The following SDCBP2 variants were observed in gnomAD, a reference collection of about 807,000 sequenced individuals.
The protein encoded by SDCBP2 is syntenin-2.
In SDCBP2, 28 loss-of-function variants were observed where a neutral mutation model predicts 30.7. That is an observed-to-expected ratio of 0.91 (90% CI 0.68 to 1.25). The LOEUF is 1.25. Among genes scored for constraint, SDCBP2 ranks in the 50% most tolerant of loss-of-function variants. SDCBP2 has a pLI of 0.00. For missense variants in SDCBP2, 399 were observed against 379.0 expected (o/e 1.05, Z -0.44); for synonymous variants, 166 against 157.3 (o/e 1.06, Z -0.41).
chr20:1,313,682 G>T lies in SDCBP2; in HGVS notation c.226-184C>A. The stretch of plus-strand genomic sequence containing the variant: ...CGTGGCTCCACGCGGCCACTAGGGG[G>T]CGTCAAAGTCCATGCCCTTAAAAAG... On this transcript the variant is annotated intron_variant, in intron 4 of 8. Coordinates refer to ENST00000360779, the MANE Select transcript of SDCBP2 (RefSeq NM_080489.5). This position sits in a 1 kb window ranked among gnomAD's most constrained non-coding sequence, Gnocchi z 5.2. 1 of 1,373,348 alleles carries T rather than the reference G, an allele frequency of 7.3e-7. No individual in the cohort carries two copies. Among genetic ancestry groups the T allele is most frequent in the Non-Finnish European group, 9.4e-7 (1 of 1,065,266 alleles). 85.1% of individuals were successfully genotyped at this position (1,373,348 alleles called of 1,614,324 possible).
At chr20:1,319,350 C>G (rs927020513) in intron 3 of SDCBP2, among the ~76,000 whole-genome samples, 2 of 152,150 alleles carry the variant, frequency 1.3e-5, no homozygotes, top group African/African-American at 4.8e-5. Flanking sequence ...CAGGGGTTCA[C>G]CAGGCAGTCA....
At position 1,313,262 on chromosome 20, in the gene SDCBP2, G is replaced by A; in HGVS notation, c.384+78C>T. On this transcript the variant is annotated intron_variant, in intron 5 of 8. Transcript: ENST00000360779. This position sits in a 1 kb window ranked among gnomAD's most constrained non-coding sequence, Gnocchi z 5.2. ...CTCTGCACCTTCCTTACTGTGGACG[G>A]GCCCTCTGAGCTCTGAGGCCTGGCG... 1 of 1,451,098 alleles carries A rather than the reference G, an allele frequency of 6.9e-7. No homozygotes were observed. The highest frequency in any genetic ancestry group is 9.4e-7 in the Non-Finnish European group (1 of 1,058,872). 89.9% of individuals were successfully genotyped at this position (1,451,098 alleles called of 1,614,324 possible).
rs74869290 is a variant in SDCBP2, at chr20:1,328,826, G to A, written c.-20+259C>T. ...ATCTCATCTCCTTGAGCACAGTCAT[G>A]GGCAGTCAGAAGGCATCGGGGGCCC... On this transcript the variant is annotated intron_variant, in intron 1 of 8. Coordinates refer to ENST00000360779, the MANE Select transcript of SDCBP2 (RefSeq NM_080489.5). Among the ~76,000 whole-genome samples the A allele has an allele frequency of 7.7e-3, 1,137 of 147,784 alleles. 5 individuals carry two copies. Among genetic ancestry groups the A allele is most frequent in the Non-Finnish European group, 0.011 (703 of 66,204 alleles).
rs145137123 is a variant in SDCBP2, at chr20:1,314,587, C to T, written c.226-1089G>A. Among the ~76,000 whole-genome samples the T allele has an allele frequency of 9.3e-3, 808 of 86,986 alleles. 13 individuals carry two copies. The highest frequency in any genetic ancestry group is 0.034 in the African/African-American group (768 of 22,764). The allele number at this position is 86,986 out of a possible 152,430, so 57.1% of individuals were successfully genotyped here. On this transcript the variant is annotated intron_variant, in intron 4 of 8. Transcript: ENST00000360779. ...TACAATACAATACCACTTACAATCA[C>T]TCAAAAAAAAAAAAAAAAAAAGAGG...
At position 1,324,860 on chromosome 20, in the gene SDCBP2, C is replaced by G. The variant is rs576126900; in HGVS notation, c.-20+4225G>C. ...GCAAAATTCAGCTGAATATTGTCTT[C>G]TAGTAAACCTAAGCTGATTCCTAAG... On this transcript the variant is annotated intron_variant, in intron 1 of 8. Coordinates refer to ENST00000360779, the MANE Select transcript of SDCBP2 (RefSeq NM_080489.5). This position sits in a 1 kb window ranked among gnomAD's most constrained non-coding sequence, Gnocchi z 4.7. Among the ~76,000 whole-genome samples the G allele has an allele frequency of 6.6e-6, 1 of 152,320 alleles. No individual in the cohort carries two copies. Among genetic ancestry groups the G allele is most frequent in the South Asian group, 2.1e-4 (1 of 4,828 alleles).
rs766065439 is a variant in SDCBP2 at position 1,313,522 on chromosome 20, G to T, written c.226-24C>A. 27 of 1,557,882 alleles carry T rather than the reference G, an allele frequency of 1.7e-5. 1 individual carries two copies. In the Admixed American group the frequency reaches 3.8e-4, roughly 22 times the overall value. On this transcript the variant is annotated intron_variant, in intron 4 of 8. Transcript: ENST00000360779. The surrounding 1 kb of genome is among the most constrained non-coding windows in gnomAD (Gnocchi z 5.2). ...GTCTGCAGACACCAGGGGGCAGGGG[G>T]TCAGCCCGGCCCGTGGGGACCCTGT...
In SDCBP2 at chr20:1,312,401, C is replaced by G; in HGVS notation, c.668G>C (p.Arg223Pro). The part of the protein sequence containing the change: ...VSLVKGSSAA[R>P]NGLLTNHYVC... ...GTAGTGGTTGGTGAGGAGCCCGTTG[C>G]GGGCCGCAGAACTCCCTTTGACCAG... is the stretch of plus-strand genomic sequence containing the variant. The change falls in exon 7 of 9, where the codon CGC (arginine) becomes CCC (proline). Residue 223 changes from arginine to proline, a missense_variant. Physicochemically the swap from Arg to Pro is moderately radical, Grantham distance 103. Transcript: ENST00000360779. 5 of 1,613,516 alleles carry G rather than the reference C, an allele frequency of 3.1e-6. No individual in the cohort carries two copies. Among genetic ancestry groups the G allele is most frequent in the Non-Finnish European group, 4.2e-6 (5 of 1,179,730 alleles).
chr20:1,315,489 A>T (rs955950645), intron 4 of SDCBP2, among the ~76,000 whole-genome samples: 1 of 143,988 alleles, frequency 6.9e-6, no homozygotes, highest in African/African-American at 2.5e-5. Flanking sequence ...AGATCATGTC[A>T]CTGCACTCCA....
intron 1 of SDCBP2, chr20:1,323,663 A>T (rs1333970037): frequency 2.6e-5 from 4 of 152,118 alleles, no homozygotes; most frequent in Non-Finnish European, 5.9e-5. Flanking sequence ...GGATACCAAC[A>T]TCCACAGCTG....
At position 1,312,574 on chromosome 20, in the gene SDCBP2, C is replaced by A. The variant is rs747746270; in HGVS notation, c.560+13G>T. 5.0e-6 allele frequency: 8 copies of A among 1,613,344 alleles called. No individual in the cohort carries two copies. Among genetic ancestry groups the A allele is most frequent in the Non-Finnish European group, 6.8e-6 (8 of 1,179,402 alleles). Reference sequence around the variant, plus strand: ...GGGTGAGACGGAGAGGCTGCCCGGGCCTGGCTACTCACCTGTCCCGAACCA... The same window carrying A: ...GGGTGAGACGGAGAGGCTGCCCGGGACTGGCTACTCACCTGTCCCGAACCA... On this transcript the variant is annotated intron_variant, in intron 6 of 8. Coordinates refer to ENST00000360779, the MANE Select transcript of SDCBP2 (RefSeq NM_080489.5).
intron 1 of SDCBP2, chr20:1,325,557 G>A (rs1448659806): frequency 6.6e-6 from 1 of 152,246 alleles, no homozygotes; most frequent in East Asian, 1.9e-4. Flanking sequence ...GGCATAGGAA[G>A]ACTTGGTCGG....
At chr20:1,311,095 T>C (rs6134536) in intron 7 of SDCBP2, 508,140 of 513,126 alleles carry the variant, frequency 0.99, 251,791 homozygotes, top group East Asian at 1. Context: ...AGTGAGAACA[T>C]GGGTCTCCCA....
In SDCBP2 at chr20:1,313,248, C is replaced by T. The variant is rs1433209471; in HGVS notation, c.384+92G>A. On this transcript the variant is annotated intron_variant, in intron 5 of 8. Transcript: ENST00000360779. The surrounding 1 kb of genome is among the most constrained non-coding windows in gnomAD (Gnocchi z 5.2). ...GGTTAGGAGGCCCGCTCTGCACCTT[C>T]CTTACTGTGGACGGGCCCTCTGAGC... is the stretch of plus-strand genomic sequence containing the variant. 2.2e-6 allele frequency: 3 copies of T among 1,359,446 alleles called. No homozygotes were observed. The highest frequency in any genetic ancestry group is 4.9e-5 in the East Asian group (2 of 40,470). 84.2% of individuals were successfully genotyped at this position (1,359,446 alleles called of 1,614,324 possible). A position where few individuals can be genotyped will look rare whatever the true frequency, so the allele number is the denominator to read the frequency against.
intron 3 of SDCBP2, 87 bp from the exon 4 acceptor site, chr20:1,318,505 T>G (rs2088810405): frequency 1.3e-6 from 1 of 772,460 alleles, no homozygotes; most frequent in African/African-American, 1.7e-5. Flanking sequence ...GCTGCTCATT[T>G]TTATTAAGAA....
chr20:1,313,187 G>C lies in SDCBP2; in HGVS notation c.384+153C>G. 1 of 807,470 alleles carries C rather than the reference G, an allele frequency of 1.2e-6. No homozygotes were observed. The highest frequency in any genetic ancestry group is 1.7e-5 in the South Asian group (1 of 59,616). 50.0% of individuals were successfully genotyped at this position (807,470 alleles called of 1,614,324 possible). A position where few individuals can be genotyped will look rare whatever the true frequency, so the allele number is the denominator to read the frequency against. ...CAGCACCAGCCCCGCCCGGGTCTCG[G>C]GGAGGAGGGACTGGGGGCAAGAGCC... On this transcript the variant is annotated intron_variant, in intron 5 of 8. Coordinates refer to ENST00000360779, the MANE Select transcript of SDCBP2 (RefSeq NM_080489.5). The surrounding 1 kb of genome is among the most constrained non-coding windows in gnomAD (Gnocchi z 5.2).
At chr20:1,311,012 A>G in intron 7 of SDCBP2, 121 bp from the exon 8 acceptor site, 1 of 682,226 alleles carries the variant, frequency 1.5e-6, no homozygotes, top group East Asian at 2.8e-5. Context: ...GGCTGACTGC[A>G]GGGCAGGGCT....
At chr20:1,312,233 C>A in intron 7 of SDCBP2, 104 bp downstream of exon 7, 1 of 1,191,254 alleles carries the variant, frequency 8.4e-7, no homozygotes, top group Non-Finnish European at 1.2e-6. Flanking sequence ...TCACAGCAAC[C>A]TTAGGAAGAG....
intron 1 of SDCBP2, among the ~76,000 whole-genome samples, chr20:1,326,256 C>A (rs2088924118): frequency 6.6e-6 from 1 of 152,210 alleles, no homozygotes; most frequent in Admixed American, 6.5e-5. Flanking sequence ...AGCTGTGCCG[C>A]GCCTCCCCAG....
rs1345146351 is a variant in SDCBP2, at chr20:1,324,007, G to A, written c.-19-3572C>T. The A allele has an allele frequency of 6.6e-6, 1 of 152,128 alleles. No individual in the cohort carries two copies. The highest frequency in any genetic ancestry group is 6.5e-5 in the Admixed American group (1 of 15,274). The allele number at this position is 152,128 out of a possible 1,614,324, so 9.4% of individuals were successfully genotyped here. On this transcript the variant is annotated intron_variant, in intron 1 of 8. Transcript: ENST00000360779. This position sits in a 1 kb window ranked among gnomAD's most constrained non-coding sequence, Gnocchi z 4.7. ...TCGTTCAATCATTCAAAACATTTGA[G>A]TGTCCACTGTGTGCCAGACGTGCTG... is the stretch of plus-strand genomic sequence containing the variant.
Sources: allele counts gnomAD v4.1 joint callset (sites outside exome capture counted in the v4.1 genomes callset), GRCh38; gene constraint gnomAD v4.1.1; non-coding constraint Gnocchi (gnomAD v3.1); transcripts MANE v1.5; gene names NCBI Gene and HGNC (gene_info 2026-07-23, HGNC 2026-07-21).